Variants in MAPK12 observed in about 807,000 individuals in gnomAD.
MAPK12 encodes MAP kinase 12.
In MAPK12, 49 loss-of-function variants were observed where a neutral mutation model predicts 49.1. The ratio of observed to expected loss-of-function variants is 1.00; its 90% confidence interval spans 0.79 to 1.27. The LOEUF is 1.27. Among genes scored for constraint, MAPK12 ranks in the 50% most tolerant of loss-of-function variants. The pLI is 0.00. For synonymous variants in MAPK12, 251 were observed against 209.7 expected (o/e 1.20, Z -1.70); for missense variants, 554 against 502.4 (o/e 1.10, Z -0.98).
chr22:50,255,090 G>A (rs769271235), intron 11 of MAPK12, 107 bp downstream of exon 11: 8 of 1,526,984 alleles, frequency 5.2e-6, no homozygotes, highest in Non-Finnish European at 6.1e-6. Context: ...CAACTCACGG[G>A]TCCACACAGG....
chr22:50,256,529 G>A (rs1389733929), intron 6 of MAPK12, 70 bp downstream of exon 6: 37 of 1,555,342 alleles, frequency 2.4e-5, no homozygotes, highest in Non-Finnish European at 3.0e-5. Context: ...AGGCCTGACA[G>A]GTGGATAGAT....
In MAPK12 at chr22:50,257,166, G is replaced by C. The variant is rs759945825; in HGVS notation, c.342C>G (p.Thr114=). 6.2e-7 allele frequency: 1 copy of C among 1,612,682 alleles called. No homozygotes were observed. The highest frequency in any genetic ancestry group is 8.5e-7 in the Non-Finnish European group (1 of 1,179,902). Residue 114 remains threonine, a synonymous_variant, in exon 4 of 12, where the codon ACC becomes ACG. Coordinates refer to ENST00000215659, the MANE Select transcript of MAPK12 (RefSeq NM_002969.6). The stretch of plus-strand genomic sequence containing the variant: ...CATGTTTCATGAGCTTGCCCAGGTC[G>C]GTGCCCATGAACGGCATCACCAGGT... ...DFYLVMPFMG[T]DLGKLMKHEK...
At position 50,261,205 on chromosome 22, in the gene MAPK12, G is replaced by A. The variant is rs1257375594; in HGVS notation, c.217C>T (p.Arg73Cys). 1.3e-6 allele frequency: 2 copies of A among 1,592,108 alleles called. No individual in the cohort carries two copies. Among genetic ancestry groups the A allele is most frequent in the Non-Finnish European group, 1.7e-6 (2 of 1,170,546 alleles). ...ATGTGCTTGAGCAGGCGCAGCTCGC[G>A]GTAGGCGCGCTTGGCGAACAGCTCG... is the stretch of plus-strand genomic sequence containing the variant. ...QSELFAKRAYRELRLLKHMRH... is the reference protein window; with the variant it reads ...QSELFAKRAYCELRLLKHMRH... The change falls in exon 2 of 12, where the codon CGC becomes TGC. Residue 73 changes from arginine to cysteine, a missense_variant. Arg to Cys is a radical substitution (Grantham distance 180). Coordinates refer to ENST00000215659, the MANE Select transcript of MAPK12 (RefSeq NM_002969.6).
At chr22:50,253,501 G>GCCCCC in intron 11 of MAPK12, 21 bp from the exon 12 acceptor site, 2 of 354,142 alleles carry the variant, frequency 5.6e-6, no homozygotes, top group Non-Finnish European at 1.1e-5. Context: ...TGGGGGGGCG[G>GCCCCC]GCACAACAGA....
rs1454708058 is a variant in MAPK12, at chr22:50,255,377, G to C, written c.851-7C>G. The stretch of plus-strand genomic sequence containing the variant: ...TTCTCCAGGAGGTTCACAGCTGCGG[G>C]GGAAGGTGCATCAGGCCAGACCACG... On this transcript the variant is annotated splice_polypyrimidine_tract_variant and splice_region_variant and intron_variant, in intron 10 of 11. Transcript: ENST00000215659. The C allele has an allele frequency of 3.1e-6, 5 of 1,612,856 alleles. No homozygotes were observed. The African/African-American group carries it at 6.7e-5, about 22-fold the overall frequency.
At chr22:50,253,502 G>GGAC in intron 11 of MAPK12, 22 bp from the exon 12 acceptor site, 2 of 171,684 alleles carry the variant, frequency 1.2e-5, no homozygotes, top group Non-Finnish European at 1.1e-5. Context: ...GGGGGGGCGG[G>GGAC]CACAACAGAG....
intron 2 of MAPK12, among the ~76,000 whole-genome samples, chr22:50,259,090 G>A (rs1037454015): frequency 1.3e-5 from 2 of 152,204 alleles, no homozygotes; most frequent in African/African-American, 4.8e-5. Flanking sequence ...CGATTTAAAT[G>A]GGGACGTGAG....
intron 3 of MAPK12, chr22:50,257,772 C>T (rs1264556817): frequency 1.4e-6 from 1 of 697,054 alleles, no homozygotes; most frequent in Non-Finnish European, 2.7e-6. Flanking sequence ...TCCAGGCCTT[C>T]CTCGGCCTGG....
chr22:50,257,280 T>G (rs2065160794), intron 3 of MAPK12, 87 bp from the exon 4 acceptor site: 1 of 1,047,150 alleles, frequency 9.5e-7, no homozygotes. Flanking sequence ...CTCAGACCCG[T>G]CCCGGATCCA....
Position 50,255,302 on chromosome 22 carries a change from C to G in MAPK12, c.919G>C (p.Ala307Pro). The G allele has an allele frequency of 6.2e-7, 1 of 1,613,540 alleles. No homozygotes were observed. The highest frequency in any genetic ancestry group is 8.5e-7 in the Non-Finnish European group (1 of 1,180,012). The change falls in exon 11 of 12, where the codon GCC (alanine) becomes CCC (proline). Residue 307 changes from alanine to proline, a missense_variant. Ala to Pro is a conservative substitution (Grantham distance 27). Coordinates refer to ENST00000215659, the MANE Select transcript of MAPK12 (RefSeq NM_002969.6). ...TGCAGGGACTCGAAGTAGGGATGGG[C>G]CAGCGCCTCGCCTGCCGTCACCCGC... ...EQRVTAGEAL[A>P]HPYFESLHDT... is the part of the protein sequence containing the mutation.
intron 11 of MAPK12, chr22:50,253,953 G>A (rs1263182426): frequency 1.2e-5 from 2 of 166,272 alleles, no homozygotes; most frequent in Non-Finnish European, 1.3e-5. Flanking sequence ...AGCCAGTGTG[G>A]AGGACCAAGG....
chr22:50,257,683 A>T, intron 3 of MAPK12: 1 of 598,210 alleles, frequency 1.7e-6, no homozygotes, highest in Non-Finnish European at 3.0e-6. Flanking sequence ...AGACAGACAC[A>T]GGAGAATGGT....
chr22:50,261,414 G>T lies in MAPK12; in HGVS notation c.96C>A (p.Pro32=). The change falls in exon 1 of 12, where the codon CCC becomes CCA. Residue 32 remains proline, a synonymous_variant. Coordinates refer to ENST00000215659, the MANE Select transcript of MAPK12 (RefSeq NM_002969.6). Reference sequence around the variant, plus strand: ...CCGCGCCGTAGGCGCCCGAGCCCACGGGCTGCAGGTCCCGGTACACGGCGC... The same window carrying T: ...CCGCGCCGTAGGCGCCCGAGCCCACTGGCTGCAGGTCCCGGTACACGGCGC... ...EVRAVYRDLQ[P]VGSGAYGAVC... 1 of 1,234,944 alleles carries T rather than the reference G, an allele frequency of 8.1e-7. No homozygotes were observed. The highest frequency in any genetic ancestry group is 2.8e-5 in the Admixed American group (1 of 35,718). The allele number at this position is 1,234,944 out of a possible 1,614,324, so 76.5% of individuals were successfully genotyped here. A position where few individuals can be genotyped will look rare whatever the true frequency, so the allele number is the denominator to read the frequency against.
Position 50,255,844 on chromosome 22 carries a change from C to T in MAPK12, c.657G>A (p.Met219Ile). Residue 219 changes from methionine (M) to isoleucine (I), a missense_variant, in exon 8 of 12, where the codon ATG becomes ATA. Met to Ile is a conservative substitution (Grantham distance 10). Transcript: ENST00000215659. Reference protein sequence around the residue: ...IWSVGCIMAEMITGKTLFKGS... With the variant: ...IWSVGCIMAEIITGKTLFKGS... ...CCTTGAACAGCGTCTTGCCTGTGAT[C>T]ATCTCCGCCATGATGCAGCCCACAG... 1 of 1,612,780 alleles carries T rather than the reference C, an allele frequency of 6.2e-7. No homozygotes were observed. Among genetic ancestry groups the T allele is most frequent in the Non-Finnish European group, 8.5e-7 (1 of 1,179,992 alleles).
At chr22:50,253,519 G>A (rs754847075) in intron 11 of MAPK12, 39 bp from the exon 12 acceptor site, 3 of 942,570 alleles carry the variant, frequency 3.2e-6, no homozygotes, top group African/African-American at 1.6e-5. Flanking sequence ...AGAGAGGGGG[G>A]TCAGCCTTTG....
At position 50,261,457 on chromosome 22, in the gene MAPK12, T is replaced by C. The variant is rs763361878; in HGVS notation, c.53A>G (p.Lys18Arg). 2 of 1,283,858 alleles carry C rather than the reference T, an allele frequency of 1.6e-6. No individual in the cohort carries two copies. Among genetic ancestry groups the C allele is most frequent in the East Asian group, 5.0e-5 (1 of 20,040 alleles). 79.5% of individuals were successfully genotyped at this position (1,283,858 alleles called of 1,614,324 possible). Residue 18 changes from lysine (K) to arginine (R), a missense_variant, in exon 1 of 12, where the codon AAG becomes AGG. By Grantham distance (26) the Lys-to-Arg change is conservative (BLOSUM62 2). Transcript: ENST00000215659. ...CACGGCGCGCACCTCCCAGGCCGTC[T>C]TGGTCACCTCCTGGCGGTAAAAGCC... The part of the protein sequence containing the change: ...RSGFYRQEVT[K>R]TAWEVRAVYR...
chr22:50,260,037 G>A (rs1259878010), intron 2 of MAPK12, among the ~76,000 whole-genome samples: 2 of 148,290 alleles, frequency 1.3e-5, no homozygotes, highest in Admixed American at 6.7e-5. Flanking sequence ...GGGGGGGTGC[G>A]GTGCCGGCGA....
Position 50,261,499 on chromosome 22 carries a change from G to T in MAPK12, c.11C>A (p.Pro4Gln). MSS[P>Q]PPARSGFYRQ... The stretch of plus-strand genomic sequence containing the variant: ...GTAAAAGCCACTGCGGGCGGGCGGC[G>T]GAGAGCTCATGGCAGGCCCGGGAGC... The change falls in exon 1 of 12, where the codon CCG becomes CAG. Residue 4 changes from proline to glutamine, a missense_variant. Transcript: ENST00000215659. The T allele has an allele frequency of 8.0e-7, 1 of 1,243,650 alleles. No individual in the cohort carries two copies. The highest frequency in any genetic ancestry group is 1.0e-6 in the Non-Finnish European group (1 of 970,140). 77.0% of individuals were successfully genotyped at this position (1,243,650 alleles called of 1,614,324 possible).
chr22:50,258,780 G>C (rs1355943191), intron 2 of MAPK12, among the ~76,000 whole-genome samples: 1 of 152,246 alleles, frequency 6.6e-6, no homozygotes, highest in African/African-American at 2.4e-5. Flanking sequence ...ATAGACAGTA[G>C]ACAGGTCATG....
Sources: gnomAD v4.1 joint callset for allele counts (sites outside exome capture counted in the v4.1 genomes callset) on GRCh38, gnomAD v4.1.1 for gene constraint, MANE v1.5 for transcripts, NCBI Gene and HGNC (gene_info 2026-07-23, HGNC 2026-07-21) for gene names.